PTPRD: variants seen among roughly 807,000 people sequenced by gnomAD.
PTPRD encodes receptor-type tyrosine-protein phosphatase delta.
Under a neutral mutation model 214.5 loss-of-function variants are expected in PTPRD, and 34 were observed. The observed-to-expected ratio is 0.16, with a 90% CI of 0.12 to 0.21. The LOEUF is 0.21. Ranked by LOEUF, PTPRD falls within the 10% of genes least tolerant of loss-of-function variation. PTPRD has a pLI of 1.00. For missense variants in PTPRD, 2,545 were observed against 2,398.7 expected, an observed-to-expected ratio of 1.06 and a Z score of -1.27; for synonymous variants, 1,128 against 845.7, an observed-to-expected ratio of 1.33 and a Z score of -5.79.
chr9:10,002,920 T>C (rs978766007), intron 4 of PTPRD, among the ~76,000 whole-genome samples: 4 of 151,774 alleles, frequency 2.6e-5, no homozygotes, highest in Non-Finnish European at 4.4e-5. Context: ...TGTATCATTA[T>C]TAATTATATC....
At chr9:10,513,548 T>C (rs2133901371) in intron 2 of PTPRD, among the ~76,000 whole-genome samples, 1 of 152,302 alleles carries the variant, frequency 6.6e-6, no homozygotes, top group South Asian at 2.1e-4. Flanking sequence ...TCATTAGAGC[T>C]GGTTACCAAA....
At chr9:8,370,197 C>CATAT (rs1296507049) in intron 39 of PTPRD, among the ~76,000 whole-genome samples, 1 of 95,474 alleles carries the variant, frequency 1.0e-5, no homozygotes, top group African/African-American at 2.9e-5. Flanking sequence ...ATGCACTGCA[C>CATAT]ATATATATAT....
At chr9:8,674,428 A>G (rs987451793) in intron 12 of PTPRD, among the ~76,000 whole-genome samples, 1 of 131,906 alleles carries the variant, frequency 7.6e-6, no homozygotes, top group African/African-American at 2.9e-5. Context: ...ACTGCACTCC[A>G]GCCTGGTGGC....
At chr9:10,337,337 A>G (rs2096861380) in intron 3 of PTPRD, among the ~76,000 whole-genome samples, 1 of 151,742 alleles carries the variant, frequency 6.6e-6, no homozygotes, top group Admixed American at 6.6e-5. Flanking sequence ...CAGATATGCT[A>G]TTCAACGTAG....
chr9:9,369,195 C>A (rs1392699649), intron 9 of PTPRD, among the ~76,000 whole-genome samples: 1 of 151,734 alleles, frequency 6.6e-6, no homozygotes, highest in Non-Finnish European at 1.5e-5. Flanking sequence ...AAGTCTTCCA[C>A]AATGGTTGAA....
In PTPRD at chr9:9,482,139, G is replaced by T. The variant is rs981405062; in HGVS notation, c.-236-84657C>A. Among the ~76,000 whole-genome samples the T allele has an allele frequency of 2.0e-5, 3 of 151,988 alleles. No homozygotes were observed. In the East Asian group the frequency reaches 5.8e-4, roughly 29 times the overall value. On this transcript the variant is annotated intron_variant, in intron 8 of 45. Transcript: ENST00000381196. Reference sequence around the variant, plus strand: ...CAAGAGGTACAGACAGGTGGGCGAGGTTGGGAGAGTAAGATCTTTTGGGGA... The same window carrying T: ...CAAGAGGTACAGACAGGTGGGCGAGTTTGGGAGAGTAAGATCTTTTGGGGA...
intron 14 of PTPRD, among the ~76,000 whole-genome samples, chr9:8,569,891 T>C (rs543466484): frequency 2.0e-5 from 3 of 152,274 alleles, no homozygotes; most frequent in South Asian, 2.1e-4. Flanking sequence ...TATTTTGTTA[T>C]ACATAATGAA....
At chr9:9,219,248 A>G (rs2099954277) in intron 9 of PTPRD, among the ~76,000 whole-genome samples, 1 of 152,140 alleles carries the variant, frequency 6.6e-6, no homozygotes, top group African/African-American at 2.4e-5. Context: ...AGATTTTTAG[A>G]AATACAAGGT....
At chr9:9,623,044 T>C (rs991144731) in intron 7 of PTPRD, among the ~76,000 whole-genome samples, 2 of 152,214 alleles carry the variant, frequency 1.3e-5, no homozygotes, top group Non-Finnish European at 2.9e-5. Context: ...CAATCAACCA[T>C]ACCAAATTGG....
At chr9:8,829,390 C>A (rs10815967) in intron 11 of PTPRD, among the ~76,000 whole-genome samples, 18,425 of 152,116 alleles carry the variant, frequency 0.12, 1,369 homozygotes, top group East Asian at 0.27. Context: ...ACAGTTTGTA[C>A]CCTTTTGTTT....
chr9:8,661,270 T>A (rs951773914), intron 12 of PTPRD, among the ~76,000 whole-genome samples: 2 of 152,112 alleles, frequency 1.3e-5, no homozygotes, highest in Admixed American at 1.3e-4. Context: ...CGCCTCTTCA[T>A]CATGGTCAAT....
At chr9:8,802,681 T>C (rs549830510) in intron 11 of PTPRD, among the ~76,000 whole-genome samples, 1 of 152,310 alleles carries the variant, frequency 6.6e-6, no homozygotes, top group East Asian at 1.9e-4. Flanking sequence ...GAAAAGGCCC[T>C]GACAACCCAC....
intron 14 of PTPRD, among the ~76,000 whole-genome samples, chr9:8,569,854 G>T: frequency 6.6e-6 from 1 of 152,086 alleles, no homozygotes; most frequent in East Asian, 1.9e-4. Flanking sequence ...AATTCATGAT[G>T]AAAACTAATA....
In PTPRD at chr9:9,194,272, A is replaced by G. The variant is rs146815485; in HGVS notation, c.-202-10909T>C. Among the ~76,000 whole-genome samples, 42 of 152,270 alleles carry G rather than the reference A, an allele frequency of 2.8e-4. No homozygotes were observed. The East Asian group carries it at 7.5e-3, about 27-fold the overall frequency. ...TCCTGAACGACCTGCCAGAGGCTAT[A>G]TTACAGTTAACTTTTTGTTTATAGG... On this transcript the variant is annotated intron_variant, in intron 9 of 45. Coordinates refer to ENST00000381196, the MANE Select transcript of PTPRD (RefSeq NM_002839.4).
intron 2 of PTPRD, among the ~76,000 whole-genome samples, chr9:10,423,946 G>A (rs367583443): frequency 1.3e-5 from 2 of 151,972 alleles, no homozygotes; most frequent in Admixed American, 6.6e-5. Context: ...TCTCAAGTCT[G>A]AACCTTTCAC....
At chr9:9,893,149 C>G (rs955512405) in intron 5 of PTPRD, among the ~76,000 whole-genome samples, 1 of 152,028 alleles carries the variant, frequency 6.6e-6, no homozygotes, top group Non-Finnish European at 1.5e-5. Flanking sequence ...GAGCTATGAT[C>G]TTGTTCTTTT....
intron 8 of PTPRD, among the ~76,000 whole-genome samples, chr9:9,497,673 C>A (rs1287728081): frequency 6.6e-6 from 1 of 152,136 alleles, no homozygotes; most frequent in Non-Finnish European, 1.5e-5. Flanking sequence ...GAAATAGGAA[C>A]ATTATCTCAT....
chr9:9,086,574 A>G (rs1307642960), intron 10 of PTPRD, among the ~76,000 whole-genome samples: 2 of 152,142 alleles, frequency 1.3e-5, no homozygotes, highest in Non-Finnish European at 1.5e-5. Flanking sequence ...TCATTTAGCC[A>G]CAACCATCTT....
intron 8 of PTPRD, among the ~76,000 whole-genome samples, chr9:9,461,195 A>G (rs2093624061): frequency 1.8e-5 from 2 of 109,274 alleles, no homozygotes; most frequent in Non-Finnish European, 4.1e-5. Context: ...AGTAGGGTTG[A>G]GGTTAAAAAA....
Sources: allele counts gnomAD v4.1 joint callset (sites outside exome capture counted in the v4.1 genomes callset), GRCh38; gene constraint gnomAD v4.1.1; transcripts MANE v1.5; gene names NCBI Gene and HGNC (gene_info 2026-07-23, HGNC 2026-07-21).